The following RBFOX1 variants were observed in gnomAD, a reference collection of about 807,000 sequenced individuals.
RBFOX1 encodes the protein RNA binding fox-1 homolog 1, also known as RNA binding protein fox-1 homolog 1.
Under a neutral mutation model 57.7 loss-of-function variants are expected in RBFOX1, and 8 were observed. That is an observed-to-expected ratio of 0.14 (90% CI 0.08 to 0.25). RBFOX1 has a LOEUF of 0.25. Among genes scored for constraint, RBFOX1 ranks in the 10% least tolerant of loss-of-function variants. The probability of loss-of-function intolerance (pLI) is 1.00; values close to 1 mark genes in which losing one functional copy is unlikely to be tolerated. For synonymous variants in RBFOX1, 326 were observed against 222.4 expected (o/e 1.47, Z -4.15); for missense variants, 611 against 548.5 (o/e 1.11, Z -1.14).
chr16:5,605,732 A>G (rs1001237543), intron 3 of RBFOX1, among the ~76,000 whole-genome samples: 6 of 151,834 alleles, frequency 4.0e-5, no homozygotes, highest in Admixed American at 3.3e-4. Flanking sequence ...GAGTAGGGCC[A>G]TTAATTTAAT....
intron 3 of RBFOX1, among the ~76,000 whole-genome samples, chr16:6,990,237 A>G (rs2091194112): frequency 1.3e-5 from 2 of 152,024 alleles, no homozygotes; most frequent in African/African-American, 4.8e-5. Flanking sequence ...AAAAATTCTG[A>G]TAGTGGCCAG....
intron 2 of RBFOX1, among the ~76,000 whole-genome samples, chr16:6,334,112 T>G (rs1460243263): frequency 6.6e-6 from 1 of 152,106 alleles, no homozygotes; most frequent in Admixed American, 6.5e-5. Context: ...GGAGAGGAAA[T>G]CTAAGTATTA....
chr16:7,528,510 C>G (rs1228175978), intron 5 of RBFOX1, among the ~76,000 whole-genome samples: 1 of 152,090 alleles, frequency 6.6e-6, no homozygotes, highest in Non-Finnish European at 1.5e-5. Flanking sequence ...AGGGGTCTCA[C>G]TCCATCACCC....
chr16:6,429,256 T>A (rs965218782), intron 2 of RBFOX1, among the ~76,000 whole-genome samples: 1 of 152,250 alleles, frequency 6.6e-6, no homozygotes, highest in Non-Finnish European at 1.5e-5. Flanking sequence ...AAGGTCTTGA[T>A]GAAGGAGCAA....
chr16:7,619,119 T>G (rs1295888933), intron 10 of RBFOX1, among the ~76,000 whole-genome samples: 1 of 152,204 alleles, frequency 6.6e-6, no homozygotes, highest in Non-Finnish European at 1.5e-5. Flanking sequence ...GGTTATACAT[T>G]TAAATCTGAT....
chr16:7,334,468 G>A (rs1446590376), intron 4 of RBFOX1, among the ~76,000 whole-genome samples: 1 of 152,126 alleles, frequency 6.6e-6, no homozygotes, highest in Non-Finnish European at 1.5e-5. Flanking sequence ...AGCTTTGTCA[G>A]ACCCTCTGCC....
intron 1 of RBFOX1, among the ~76,000 whole-genome samples, chr16:5,371,309 C>G (rs2065851487): frequency 6.6e-6 from 1 of 152,140 alleles, no homozygotes; most frequent in Non-Finnish European, 1.5e-5. Context: ...GGCCCTCATC[C>G]AATCTGACTA....
At chr16:5,392,358 A>G (rs1401006400) in intron 1 of RBFOX1, among the ~76,000 whole-genome samples, 1 of 152,146 alleles carries the variant, frequency 6.6e-6, no homozygotes, top group Non-Finnish European at 1.5e-5. Flanking sequence ...ACTTCTTATT[A>G]ACTTCATCAT....
chr16:6,608,699 G>C (rs921472998), intron 2 of RBFOX1, among the ~76,000 whole-genome samples: 12 of 152,172 alleles, frequency 7.9e-5, no homozygotes, highest in African/African-American at 2.7e-4. Context: ...TTGGGTCCAG[G>C]AGTTTGACGC....
intron 3 of RBFOX1, among the ~76,000 whole-genome samples, chr16:5,764,772 C>G (rs1452648051): frequency 6.6e-6 from 1 of 150,824 alleles, no homozygotes; most frequent in Non-Finnish European, 1.5e-5. Context: ...ATCTGCCCTG[C>G]CTACCTGTCA....
chr16:6,816,388 G>A (rs536759467), intron 3 of RBFOX1, among the ~76,000 whole-genome samples: 3 of 151,556 alleles, frequency 2.0e-5, no homozygotes, highest in East Asian at 1.9e-4. Flanking sequence ...GTCAATCTTC[G>A]GTTTTGTTGT....
At chr16:6,994,449 T>A (rs1301718545) in intron 3 of RBFOX1, among the ~76,000 whole-genome samples, 2 of 152,200 alleles carry the variant, frequency 1.3e-5, no homozygotes, top group Non-Finnish European at 2.9e-5. Flanking sequence ...CCCAGCTCTC[T>A]CTTTTTAATG....
intron 3 of RBFOX1, among the ~76,000 whole-genome samples, chr16:7,010,937 C>G (rs1182159144): frequency 1.3e-5 from 2 of 152,218 alleles, no homozygotes. Context: ...CAAAGTGAGT[C>G]TTAGCAGGGC....
At chr16:5,473,168 C>CT (rs761136942) in intron 2 of RBFOX1, among the ~76,000 whole-genome samples, 4 of 152,160 alleles carry the variant, frequency 2.6e-5, no homozygotes, top group Non-Finnish European at 4.4e-5. Flanking sequence ...AATAATATTC[C>CT]TTTTTTGTTC....
chr16:6,908,072 C>G (rs1419098908), intron 3 of RBFOX1, among the ~76,000 whole-genome samples: 3 of 151,766 alleles, frequency 2.0e-5, no homozygotes, highest in African/African-American at 7.2e-5. Context: ...TGCAGAGACC[C>G]CATTTCCAAT....
At chr16:6,243,475 A>C (rs2097550878) in intron 1 of RBFOX1, among the ~76,000 whole-genome samples, 2 of 152,096 alleles carry the variant, frequency 1.3e-5, no homozygotes, top group South Asian at 4.1e-4. Flanking sequence ...CCTGCTTTCC[A>C]GCTGCAGCCT....
intron 3 of RBFOX1, among the ~76,000 whole-genome samples, chr16:7,019,661 G>A (rs2094107865): frequency 2.6e-5 from 4 of 152,130 alleles, no homozygotes; most frequent in African/African-American, 7.2e-5. Flanking sequence ...GGCCATTACT[G>A]GGAAAGGTGT....
chr16:5,833,070 A>G (rs755703701), intron 3 of RBFOX1, among the ~76,000 whole-genome samples: 54 of 152,306 alleles, frequency 3.5e-4, no homozygotes, highest in Non-Finnish European at 6.9e-4. Context: ...ACAGATTTCT[A>G]TGGTACAGTA....
At chr16:5,299,770 T>C (rs2063758855) in intron 1 of RBFOX1, among the ~76,000 whole-genome samples, 1 of 152,212 alleles carries the variant, frequency 6.6e-6, no homozygotes, top group Non-Finnish European at 1.5e-5. Flanking sequence ...CCTTGTAATT[T>C]TTATGCATGT....
Sources: allele counts gnomAD v4.1 joint callset (sites outside exome capture counted in the v4.1 genomes callset), GRCh38; gene constraint gnomAD v4.1.1; transcripts MANE v1.5; gene names NCBI Gene and HGNC (gene_info 2026-07-23, HGNC 2026-07-21).